PATJ: variants seen among roughly 807,000 people sequenced by gnomAD.
The protein encoded by PATJ is PATJ crumbs cell polarity complex component, also known as inaD-like protein.
Under a neutral mutation model 224.9 loss-of-function variants are expected in PATJ, and 190 were observed. That is an observed-to-expected ratio of 0.84 (90% confidence interval 0.75 to 0.95). PATJ has a LOEUF of 0.95. Among genes scored for constraint, PATJ ranks in the 40% least tolerant of loss-of-function variants. The pLI is 0.00. For synonymous variants in PATJ, 769 were observed against 820.3 expected (o/e 0.94, Z 1.07); for missense variants, 2,121 against 2,270.3 (o/e 0.93, Z 1.34).
At chr1:61,946,988 T>G (rs576116774) in intron 27 of PATJ, among the ~76,000 whole-genome samples, 1 of 152,174 alleles carries the variant, frequency 6.6e-6, no homozygotes, top group Non-Finnish European at 1.5e-5. Flanking sequence ...CTCAATAGAT[T>G]CAGAAAAGGC....
intron 27 of PATJ, among the ~76,000 whole-genome samples, chr1:61,978,739 T>A (rs2482896): frequency 0.031 from 4,743 of 152,106 alleles, 206 homozygotes; most frequent in African/African-American, 0.084. Flanking sequence ...TATAGAAGAG[T>A]GTTTTTAAAT....
At position 61,861,284 on chromosome 1, in the gene PATJ, C is replaced by CTTTTTTTTTTTTTTTTTTTTTTTTTTTT; in HGVS notation, c.2323-244_2323-243insTTTTTTTTTTTTTTTTTTTTTTTTTTTT. ...TGAAACCAGGATATTTTCTTTCTTTCTTTTTTTTTTTTTTTTTTTTTTTAC... is the reference window on the plus strand; with the variant it reads ...TGAAACCAGGATATTTTCTTTCTTTCTTTTTTTTTTTTTTTTTTTTTTTTTTTTTTTTTTTTTTTTTTTTTTTTTTTAC... On this transcript the variant is annotated intron_variant, in intron 18 of 43. Transcript: ENST00000642238. Among the ~76,000 whole-genome samples, 7 of 48,848 alleles carry CTTTTTTTTTTTTTTTTTTTTTTTTTTTT rather than the reference C, an allele frequency of 1.4e-4. 1 individual carries two copies. The highest frequency in any genetic ancestry group is 1.8e-4 in the African/African-American group (3 of 16,250). 32.0% of individuals were successfully genotyped at this position (48,848 alleles called of 152,430 possible).
chr1:62,017,729 C>CAAAAAAA (rs58692636), intron 28 of PATJ, 127 bp from the exon 29 acceptor site: 79 of 324,178 alleles, frequency 2.4e-4, no homozygotes, highest in Middle Eastern at 1.8e-3. Context: ...GAGACTGTCT[C>CAAAAAAA]AAAAAAAAAA....
intron 25 of PATJ, among the ~76,000 whole-genome samples, chr1:61,912,784 G>A (rs1034941372): frequency 5.9e-5 from 9 of 151,996 alleles, no homozygotes; most frequent in African/African-American, 2.2e-4. Flanking sequence ...TCATCCCAAA[G>A]CTTCTATTTA....
intron 31 of PATJ, among the ~76,000 whole-genome samples, chr1:62,070,792 G>T (rs1657249260): frequency 6.6e-6 from 1 of 152,188 alleles, no homozygotes; most frequent in Non-Finnish European, 1.5e-5. Context: ...AAATCAGTTA[G>T]AAAGTAGGCA....
chr1:61,790,246 A>G (rs985640851), intron 8 of PATJ, among the ~76,000 whole-genome samples: 2 of 151,370 alleles, frequency 1.3e-5, no homozygotes, highest in Non-Finnish European at 1.5e-5. Context: ...AAATAAAATA[A>G]GTTTTAGGTC....
At chr1:62,072,082 A>C (rs995609163) in intron 31 of PATJ, among the ~76,000 whole-genome samples, 11 of 152,258 alleles carry the variant, frequency 7.2e-5, no homozygotes, top group Non-Finnish European at 1.3e-4. Flanking sequence ...TTAAAAAAAA[A>C]ATAGGATATG....
At chr1:62,079,384 T>A in intron 31 of PATJ, 66 bp from the exon 32 acceptor site, 1 of 952,520 alleles carries the variant, frequency 1.0e-6, no homozygotes, top group African/African-American at 1.6e-5. Flanking sequence ...AATACACCAG[T>A]TTTAAAGTAT....
At chr1:61,855,981 AT>A in intron 17 of PATJ, 48 bp from the exon 18 acceptor site, 1 of 1,404,732 alleles carries the variant, frequency 7.1e-7, no homozygotes, top group South Asian at 1.2e-5. Flanking sequence ...AAGGCTGCAT[AT>A]TTATTTTCAG....
chr1:62,094,963 A>T lies in PATJ; in HGVS notation c.4377+10315A>T, dbSNP rs761999409. Among the ~76,000 whole-genome samples the T allele has an allele frequency of 1.1e-3, 172 of 152,316 alleles. 4 individuals carry two copies. The highest frequency in any genetic ancestry group is 5.9e-4 in the Non-Finnish European group (40 of 68,024). On this transcript the variant is annotated intron_variant, in intron 33 of 43. Coordinates refer to ENST00000642238, the MANE Select transcript of PATJ (RefSeq NM_001350145.3). ...ACCAAATAGAGTATCCAGATTTTTT[A>T]AAACTATGATTTCAAGTATGATCAG...
At chr1:62,017,729 C>CAAAAAAAAAAAAA (rs58692636) in intron 28 of PATJ, 127 bp from the exon 29 acceptor site, 3 of 324,382 alleles carry the variant, frequency 9.2e-6, no homozygotes, top group East Asian at 5.0e-5. Flanking sequence ...GAGACTGTCT[C>CAAAAAAAAAAAAA]AAAAAAAAAA....
At chr1:61,780,238 T>G (rs1167136761) in intron 7 of PATJ, among the ~76,000 whole-genome samples, 2 of 151,966 alleles carry the variant, frequency 1.3e-5, no homozygotes, top group Non-Finnish European at 2.9e-5. Flanking sequence ...CCGAGCTGGG[T>G]GGATCACTTG....
chr1:61,956,638 C>A (rs1680479789), intron 27 of PATJ, among the ~76,000 whole-genome samples: 1 of 152,126 alleles, frequency 6.6e-6, no homozygotes, highest in Non-Finnish European at 1.5e-5. Flanking sequence ...TTGATTATAC[C>A]TGCAGGGATA....
At chr1:61,784,416 GTCTT>G (rs1215699238) in intron 7 of PATJ, among the ~76,000 whole-genome samples, 8 of 152,256 alleles carry the variant, frequency 5.3e-5, no homozygotes, top group Non-Finnish European at 1.0e-4. Context: ...TCATTTTGGT[GTCTT>G]TCTATCAATC....
intron 18 of PATJ, among the ~76,000 whole-genome samples, chr1:61,857,382 G>T (rs1663867535): frequency 6.6e-6 from 1 of 152,226 alleles, no homozygotes; most frequent in South Asian, 2.1e-4. Flanking sequence ...GAGGCACAGA[G>T]AATTGAGTAA....
intron 27 of PATJ, among the ~76,000 whole-genome samples, chr1:61,939,122 C>CAAAAAA (rs560139042): frequency 3.5e-5 from 2 of 57,486 alleles, no homozygotes; most frequent in African/African-American, 6.8e-5. Flanking sequence ...GACTCCATCT[C>CAAAAAA]AAAAAAAAAA....
At chr1:61,913,261 A>G (rs1402490686) in intron 25 of PATJ, among the ~76,000 whole-genome samples, 1 of 151,920 alleles carries the variant, frequency 6.6e-6, no homozygotes, top group Non-Finnish European at 1.5e-5. Context: ...TTGAATCAGG[A>G]TCTTGCCCTG....
intron 35 of PATJ, chr1:62,114,695 G>A (rs984285541): frequency 6.2e-6 from 1 of 162,208 alleles, no homozygotes; most frequent in African/African-American, 2.4e-5. Context: ...TAGTTGAGTA[G>A]ACATAGTTAA....
At chr1:61,959,702 A>G (rs1220569169) in intron 27 of PATJ, among the ~76,000 whole-genome samples, 1 of 152,084 alleles carries the variant, frequency 6.6e-6, no homozygotes, top group East Asian at 1.9e-4. Context: ...TTGATCTCCC[A>G]GAGTGCTTGG....
Sources: allele counts gnomAD v4.1 joint callset (sites outside exome capture counted in the v4.1 genomes callset), GRCh38; gene constraint gnomAD v4.1.1; transcripts MANE v1.5; gene names NCBI Gene and HGNC (gene_info 2026-07-23, HGNC 2026-07-21).